DNAH6: variants seen among roughly 807,000 people sequenced by gnomAD.
DNAH6 encodes dynein axonemal heavy chain 6, also known as axonemal beta dynein heavy chain 6.
A neutral mutation model predicts 491.4 loss-of-function variants in DNAH6; 340 were observed. That is an observed-to-expected ratio of 0.69 (90% CI 0.63 to 0.76). The LOEUF (loss-of-function observed/expected upper bound fraction) is 0.76. Among genes scored for constraint, DNAH6 ranks in the 30% least tolerant of loss-of-function variants. The pLI is 0.00. For missense variants in DNAH6, 4,443 were observed against 4,972.2 expected (o/e 0.89, Z 3.20); for synonymous variants, 1,603 against 1,686.1 (o/e 0.95, Z 1.21).
chr2:84,546,358 T>C (rs572121757), intron 5 of DNAH6, among the ~76,000 whole-genome samples: 1 of 152,342 alleles, frequency 6.6e-6, no homozygotes, highest in Non-Finnish European at 1.5e-5. Flanking sequence ...ATGTAAATGC[T>C]ATGTAAATAG....
intron 18 of DNAH6, 114 bp downstream of exon 18, chr2:84,595,903 G>C: frequency 8.7e-7 from 1 of 1,147,250 alleles, no homozygotes; most frequent in Admixed American, 3.4e-5. Context: ...TTTGCAGACA[G>C]AAAAAACAAT....
intron 15 of DNAH6, among the ~76,000 whole-genome samples, chr2:84,587,070 C>T (rs911712281): frequency 6.6e-6 from 1 of 152,056 alleles, no homozygotes; most frequent in Non-Finnish European, 1.5e-5. Context: ...AGGCCTAGTA[C>T]CCAATAGATA....
intron 61 of DNAH6, among the ~76,000 whole-genome samples, chr2:84,728,909 A>T (rs1223518403): frequency 1.3e-5 from 2 of 151,572 alleles, no homozygotes; most frequent in African/African-American, 2.4e-5. Context: ...GCTCTGTCCA[A>T]CTCTGCAAAT....
At chr2:84,651,359 T>C (rs189795311) in intron 33 of DNAH6, among the ~76,000 whole-genome samples, 17 of 152,266 alleles carry the variant, frequency 1.1e-4, no homozygotes, top group Middle Eastern at 6.8e-3. Flanking sequence ...TCTGACACCG[T>C]GGGAGAATGA....
chr2:84,734,238 C>T (rs4832110), intron 62 of DNAH6, among the ~76,000 whole-genome samples: 20,878 of 150,788 alleles, frequency 0.14, 1,610 homozygotes, highest in African/African-American at 0.21. Context: ...CTCCGCCTCC[C>T]GGGTTCATTC....
rs189595416 is a variant in DNAH6 at position 84,567,458 on chromosome 2, G to A, written c.1804-6009G>A. Among the ~76,000 whole-genome samples, 454 of 152,106 alleles carry A rather than the reference G, an allele frequency of 3.0e-3. 4 individuals carry two copies. The highest frequency in any genetic ancestry group is 0.027 in the Admixed American group (410 of 15,252). On this transcript the variant is annotated intron_variant, in intron 11 of 76. Coordinates refer to ENST00000389394, the MANE Select transcript of DNAH6 (RefSeq NM_001370.2). ...ATGGTGCTGGTACAAAAACAGACAT[G>A]TAGACCAATGGCACAAAATAGAGAT...
chr2:84,776,994 A>G (rs1198193226), intron 64 of DNAH6, among the ~76,000 whole-genome samples: 2 of 152,210 alleles, frequency 1.3e-5, no homozygotes, highest in African/African-American at 2.4e-5. Flanking sequence ...TGTTGCAAGG[A>G]CAAAAAACCC....
intron 24 of DNAH6, among the ~76,000 whole-genome samples, chr2:84,620,568 G>T (rs10204614): frequency 6.6e-6 from 1 of 152,016 alleles, no homozygotes; most frequent in African/African-American, 2.4e-5. Context: ...TTCACACACA[G>T]GAACTGTGTA....
intron 61 of DNAH6, among the ~76,000 whole-genome samples, chr2:84,731,101 GAGGTTCA>G (rs1699081136): frequency 6.6e-6 from 1 of 152,176 alleles, no homozygotes; most frequent in Admixed American, 6.5e-5. Flanking sequence ...AAATTTACTA[GAGGTTCA>G]GTAAGGACAG....
chr2:84,654,542 C>A, intron 34 of DNAH6, 118 bp from the exon 35 acceptor site: 1 of 1,277,788 alleles, frequency 7.8e-7, no homozygotes, highest in Non-Finnish European at 1.1e-6. Context: ...CCACATGAAG[C>A]CCTTCAGTGT....
the DNAH6 span, among the ~76,000 whole-genome samples, chr2:84,474,244 T>C: frequency 1.3e-5 from 2 of 152,206 alleles, no homozygotes; most frequent in African/African-American, 2.4e-5. Flanking sequence ...ATTTCCCTAA[T>C]TTTTTCTTAA....
At chr2:84,491,906 G>A in the DNAH6 span, among the ~76,000 whole-genome samples, 1 of 152,130 alleles carries the variant, frequency 6.6e-6, no homozygotes, top group Non-Finnish European at 1.5e-5. Context: ...GGTTGATCTG[G>A]CTGGGCCACT....
intron 11 of DNAH6, among the ~76,000 whole-genome samples, chr2:84,571,815 A>G (rs1681918877): frequency 6.6e-6 from 1 of 151,748 alleles, no homozygotes. Flanking sequence ...GCTACCCAGG[A>G]GACTGAGACG....
At chr2:84,810,972 G>C (rs1679912825) in intron 72 of DNAH6, among the ~76,000 whole-genome samples, 1 of 152,126 alleles carries the variant, frequency 6.6e-6, no homozygotes, top group South Asian at 2.1e-4. Flanking sequence ...TGTTCTCTCT[G>C]CATTTTAGAT....
At position 84,716,081 on chromosome 2, in the gene DNAH6, GTGTGTGTATATATATGTATATA is replaced by G. The variant is rs1697500867; in HGVS notation, c.9611+470_9611+491del. Among the ~76,000 whole-genome samples, 5 of 150,844 alleles carry G rather than the reference GTGTGTGTATATATATGTATATA, an allele frequency of 3.3e-5. 1 individual carries two copies. In the South Asian group the frequency reaches 1.0e-3, roughly 31 times the overall value. Reference sequence around the variant, plus strand: ...ATTTAACTGTCCACTTCAAATATATGTGTGTGTATATATATGTATATATGTGTGTATATATATACACATATAT... The same window carrying G: ...ATTTAACTGTCCACTTCAAATATATGTGTGTGTATATATATACACATATAT... On this transcript the variant is annotated intron_variant, in intron 58 of 76. Coordinates refer to ENST00000389394, the MANE Select transcript of DNAH6 (RefSeq NM_001370.2).
intron 11 of DNAH6, among the ~76,000 whole-genome samples, chr2:84,566,809 G>A (rs1452186396): frequency 1.3e-5 from 2 of 152,078 alleles, no homozygotes; most frequent in Non-Finnish European, 2.9e-5. Context: ...TGTCAGACCA[G>A]TAGAGTAGAA....
chr2:84,680,413 A>T (rs775838606), intron 41 of DNAH6, among the ~76,000 whole-genome samples: 3 of 152,160 alleles, frequency 2.0e-5, no homozygotes, highest in Non-Finnish European at 4.4e-5. Context: ...GATGTTATGG[A>T]TGAGAAGATC....
chr2:84,551,582 G>A (rs1679371582), intron 9 of DNAH6, among the ~76,000 whole-genome samples: 1 of 152,038 alleles, frequency 6.6e-6, no homozygotes, highest in Non-Finnish European at 1.5e-5. Flanking sequence ...AAATAATACT[G>A]CAAAGGGTAT....
chr2:84,787,395 C>T (rs912308581), intron 68 of DNAH6, 93 bp downstream of exon 68: 140 of 967,032 alleles, frequency 1.4e-4, no homozygotes, highest in Non-Finnish European at 2.1e-4. Flanking sequence ...GTGTCCTCCC[C>T]CAGTGTTTAA....
Sources: gnomAD v4.1 joint callset for allele counts (sites outside exome capture counted in the v4.1 genomes callset) on GRCh38, gnomAD v4.1.1 for gene constraint, MANE v1.5 for transcripts, NCBI Gene and HGNC (gene_info 2026-07-23, HGNC 2026-07-21) for gene names.